Variants in WRNIP1 observed in about 807,000 individuals in gnomAD.
The protein encoded by WRNIP1 is WRN helicase interacting protein 1.
A neutral mutation model predicts 56.1 loss-of-function variants in WRNIP1; 41 were observed. That is an observed-to-expected ratio of 0.73 (90% CI 0.57 to 0.95). WRNIP1 has a LOEUF of 0.95. Among genes scored for constraint, WRNIP1 ranks in the 40% least tolerant of loss-of-function variants. WRNIP1 has a pLI of 0.00. For synonymous variants in WRNIP1, 547 were observed against 398.1 expected, an observed-to-expected ratio of 1.37 and a Z score of -4.45; for missense variants, 1,170 against 939.4, an observed-to-expected ratio of 1.25 and a Z score of -3.21.
chr6:2,783,410 GGAGCATTACAACTGC>G lies in WRNIP1; in HGVS notation c.1492_1506del (p.Glu498_Cys502del). 1 of 1,592,786 alleles carries G rather than the reference GGAGCATTACAACTGC, an allele frequency of 6.3e-7. No homozygotes were observed. The highest frequency in any genetic ancestry group is 8.6e-7 in the Non-Finnish European group (1 of 1,166,598). On this transcript the variant is annotated inframe_deletion, in exon 5 of 7. Coordinates refer to ENST00000380773, the MANE Select transcript of WRNIP1 (RefSeq NM_020135.3). ...TGGTGCTCTTTGTGATGTCAGGTGA[GGAGCATTACAACTGC>G]ATCTCCGCCCTGCACAAGTCCATGC... is the stretch of plus-strand genomic sequence containing the variant.
At chr6:2,767,221 C>G (rs1367477118) in intron 1 of WRNIP1, among the ~76,000 whole-genome samples, 4 of 152,038 alleles carry the variant, frequency 2.6e-5, no homozygotes, top group Non-Finnish European at 5.9e-5. Flanking sequence ...TGGAAAAACA[C>G]TTGAGAAAAA....
intron 1 of WRNIP1, 105 bp downstream of exon 1, chr6:2,766,549 C>T (rs778601680): frequency 5.1e-4 from 718 of 1,413,174 alleles, no homozygotes; most frequent in Non-Finnish European, 6.2e-4. Context: ...CCGCCTGCCT[C>T]TCCTGGATAA....
In WRNIP1 at chr6:2,779,294, G is replaced by A. The variant is rs1581140966; in HGVS notation, c.1288G>A (p.Asp430Asn). The stretch of plus-strand genomic sequence containing the variant: ...CATGTTCATAGAGGATAAAGCAGTA[G>A]ACACCCTGGCTTACCTCAGTGACGG... ...PAMFIEDKAV[D>N]TLAYLSDGDA... The change falls in exon 4 of 7, where the codon GAC becomes AAC. Residue 430 changes from aspartate (D) to asparagine (N), a missense_variant. By Grantham distance (23) the Asp-to-Asn change is conservative. Coordinates refer to ENST00000380773, the MANE Select transcript of WRNIP1 (RefSeq NM_020135.3). 1.9e-6 allele frequency: 3 copies of A among 1,614,212 alleles called. No homozygotes were observed. Among genetic ancestry groups the A allele is most frequent in the Non-Finnish European group, 2.5e-6 (3 of 1,180,044 alleles).
At chr6:2,784,969 A>G (rs1765674694) in intron 6 of WRNIP1, 38 bp from the exon 7 acceptor site, 1 of 1,607,852 alleles carries the variant, frequency 6.2e-7, no homozygotes. Context: ...GAAGCTTGGC[A>G]TCTTGCTAGT....
intron 1 of WRNIP1, among the ~76,000 whole-genome samples, chr6:2,767,092 C>T (rs1472475052): frequency 1.3e-5 from 2 of 152,122 alleles, no homozygotes; most frequent in Non-Finnish European, 2.9e-5. Flanking sequence ...CTCATAATGC[C>T]TTGTACTCTA....
At chr6:2,772,308 C>T (rs1466127524) in intron 3 of WRNIP1, among the ~76,000 whole-genome samples, 1 of 152,196 alleles carries the variant, frequency 6.6e-6, no homozygotes, top group African/African-American at 2.4e-5. Flanking sequence ...CTTCCCATAT[C>T]CAGTAAATGA....
intron 1 of WRNIP1, among the ~76,000 whole-genome samples, chr6:2,767,014 A>G (rs968810667): frequency 1.3e-5 from 2 of 152,204 alleles, no homozygotes; most frequent in African/African-American, 2.4e-5. Context: ...ATACTCATGT[A>G]TTTACAAAAC....
At chr6:2,777,341 A>T (rs6931824) in intron 3 of WRNIP1, among the ~76,000 whole-genome samples, 1,804 of 144,140 alleles carry the variant, frequency 0.013, 38 homozygotes, top group African/African-American at 0.042. Flanking sequence ...GGGATGATGA[A>T]TGTAATGTAA....
At chr6:2,766,498 G>C in intron 1 of WRNIP1, 54 bp downstream of exon 1, 2 of 1,448,556 alleles carry the variant, frequency 1.4e-6, no homozygotes, top group Admixed American at 2.4e-5. Context: ...GGTGGATGCA[G>C]CTGATGGTCG....
intron 4 of WRNIP1, among the ~76,000 whole-genome samples, chr6:2,780,432 G>A (rs755267073): frequency 6.6e-6 from 1 of 152,206 alleles, no homozygotes. Flanking sequence ...TAGGGGGGCT[G>A]ACCAAAGCTT....
chr6:2,765,807 A>G lies in WRNIP1; in HGVS notation c.185A>G (p.Lys62Arg), dbSNP rs1764926113. 1 of 1,368,172 alleles carries G rather than the reference A, an allele frequency of 7.3e-7. No homozygotes were observed. Among genetic ancestry groups the G allele is most frequent in the African/African-American group, 1.5e-5 (1 of 65,698 alleles). 84.8% of individuals were successfully genotyped at this position (1,368,172 alleles called of 1,614,324 possible). ...AGSHRAGERA[K>R]GPSPPGAKRR... ...TCGCACCGCGCCGGGGAGCGGGCCA[A>G]GGGGCCCTCGCCGCCCGGCGCCAAG... Residue 62 changes from lysine (K) to arginine (R), a missense_variant, in exon 1 of 7, where the codon AAG becomes AGG. By Grantham distance (26) the Lys-to-Arg change is conservative. Coordinates refer to ENST00000380773, the MANE Select transcript of WRNIP1 (RefSeq NM_020135.3).
chr6:2,773,082 G>T (rs772958507), intron 3 of WRNIP1: 1 of 985,316 alleles, frequency 1.0e-6, no homozygotes, highest in South Asian at 4.7e-5. Flanking sequence ...TAATCAAGCT[G>T]CCGCTTAGCC....
chr6:2,774,583 G>A (rs1765388443), intron 3 of WRNIP1, among the ~76,000 whole-genome samples: 1 of 152,160 alleles, frequency 6.6e-6, no homozygotes, highest in Non-Finnish European at 1.5e-5. Context: ...GAGACCCTTA[G>A]TTACATCTAC....
intron 4 of WRNIP1, 149 bp from the exon 5 acceptor site, chr6:2,783,257 G>A: frequency 1.3e-6 from 1 of 764,614 alleles, no homozygotes; most frequent in Non-Finnish European, 1.9e-6. Flanking sequence ...CCCACTCAGA[G>A]CACGGTTAAG....
chr6:2,765,854 T>G lies in WRNIP1; in HGVS notation c.232T>G (p.Ser78Ala). Reference sequence around the variant, plus strand: ...CAAGAGGCGGCGGCTGTCGGAGAGCTCGGCGCTGAAGCAGCCAGCCACCCC... The same window carrying G: ...CAAGAGGCGGCGGCTGTCGGAGAGCGCGGCGCTGAAGCAGCCAGCCACCCC... ...GAKRRRLSESSALKQPATPTA... is the reference protein window; with the variant it reads ...GAKRRRLSESAALKQPATPTA... The change falls in exon 1 of 7, where the codon TCG (serine) becomes GCG (alanine). Residue 78 changes from serine (S) to alanine (A), a missense_variant. Ser to Ala is a moderately conservative substitution (Grantham distance 99). Coordinates refer to ENST00000380773, the MANE Select transcript of WRNIP1 (RefSeq NM_020135.3). 1 of 1,422,202 alleles carries G rather than the reference T, an allele frequency of 7.0e-7. No homozygotes were observed. The highest frequency in any genetic ancestry group is 9.2e-7 in the Non-Finnish European group (1 of 1,088,534). The allele number at this position is 1,422,202 out of a possible 1,614,324, so 88.1% of individuals were successfully genotyped here.
chr6:2,770,458 G>A, intron 3 of WRNIP1, 97 bp downstream of exon 3: 2 of 1,504,080 alleles, frequency 1.3e-6, no homozygotes, highest in Non-Finnish European at 1.8e-6. Context: ...AGGAGAGGGT[G>A]GGGACAGAGA....
chr6:2,770,399 C>T, intron 3 of WRNIP1, 38 bp downstream of exon 3: 2 of 1,609,886 alleles, frequency 1.2e-6, no homozygotes, highest in South Asian at 2.2e-5. Context: ...GGGCACACAC[C>T]TCCCAGAGAG....
rs79199605 is a variant in WRNIP1, at chr6:2,783,634, C to T, written c.1642+73C>T. 103 of 39,562 alleles carry T rather than the reference C, an allele frequency of 2.6e-3. 2 individuals are homozygous for T. The highest frequency in any genetic ancestry group is 0.012 in the South Asian group (8 of 652). The allele number at this position is 39,562 out of a possible 1,614,324, so 2.5% of individuals were successfully genotyped here. A position where few individuals can be genotyped will look rare whatever the true frequency, so the allele number is the denominator to read the frequency against. On this transcript the variant is annotated intron_variant, in intron 5 of 6. Coordinates refer to ENST00000380773, the MANE Select transcript of WRNIP1 (RefSeq NM_020135.3). ...GAAATGGCTAACAGTTACATCGTGG[C>T]TTTTTTTTTTTTTTTTTTTGCAGGG...
intron 5 of WRNIP1, 112 bp downstream of exon 5, chr6:2,783,673 G>GCC: frequency 4.9e-6 from 2 of 404,230 alleles, no homozygotes; most frequent in Non-Finnish European, 8.8e-6. Flanking sequence ...GGTGGGCGGG[G>GCC]GTAGCAGGAA....
Sources: gnomAD v4.1 joint callset for allele counts (sites outside exome capture counted in the v4.1 genomes callset) on GRCh38, gnomAD v4.1.1 for gene constraint, MANE v1.5 for transcripts, NCBI Gene and HGNC (gene_info 2026-07-23, HGNC 2026-07-21) for gene names.